Variants in SHISA9 observed in about 807,000 individuals in gnomAD.
SHISA9 encodes the protein shisa family member 9, also known as protein shisa-9.
SHISA9 carries 13 observed loss-of-function variants against 38.0 expected under a neutral mutation model. The observed-to-expected ratio is 0.34, with a 90% CI of 0.22 to 0.54. SHISA9 has a LOEUF of 0.54. Among genes scored for constraint, SHISA9 ranks in the 20% least tolerant of loss-of-function variants. The pLI, the probability that SHISA9 is intolerant of heterozygous loss-of-function variation, is 0.91. For synonymous variants in SHISA9, 275 were observed against 242.0 expected (o/e 1.14, Z -1.27); for missense variants, 538 against 575.8 (o/e 0.93, Z 0.67).
chr16:13,215,618 A>G (rs796169589), intron 4 of SHISA9, among the ~76,000 whole-genome samples: 9 of 152,206 alleles, frequency 5.9e-5, no homozygotes, highest in African/African-American at 2.2e-4. Context: ...TTGTTGTCAG[A>G]TGCATTTAGA....
chr16:12,963,772 C>G (rs1365400596), intron 2 of SHISA9, among the ~76,000 whole-genome samples: 2 of 152,156 alleles, frequency 1.3e-5, no homozygotes, highest in African/African-American at 4.8e-5. Flanking sequence ...CACAAAGTAT[C>G]ATACAGGTGG....
chr16:13,021,157 A>G (rs903605615), intron 2 of SHISA9, among the ~76,000 whole-genome samples: 4 of 152,110 alleles, frequency 2.6e-5, no homozygotes, highest in Non-Finnish European at 5.9e-5. Flanking sequence ...ATGGCTCTCA[A>G]CCAGGGACAA....
chr16:13,495,570 A>G, the SHISA9 span, among the ~76,000 whole-genome samples: 1 of 152,038 alleles, frequency 6.6e-6, no homozygotes, highest in African/African-American at 2.4e-5. Context: ...TCTATGTATT[A>G]TTCTGTACTT....
intron 2 of SHISA9, among the ~76,000 whole-genome samples, chr16:12,950,873 G>T (rs2071745202): frequency 6.6e-6 from 1 of 151,394 alleles, no homozygotes; most frequent in Non-Finnish European, 1.5e-5. Context: ...CTCCAAAAGT[G>T]CTGGGATTAC....
chr16:13,332,202 G>C, the SHISA9 span, among the ~76,000 whole-genome samples: 1 of 152,168 alleles, frequency 6.6e-6, no homozygotes, highest in East Asian at 1.9e-4. Flanking sequence ...CAAATCTCTG[G>C]GATGACAAGT....
intron 2 of SHISA9, among the ~76,000 whole-genome samples, chr16:12,936,089 G>C (rs1013797292): frequency 2.0e-5 from 3 of 152,126 alleles, no homozygotes; most frequent in Admixed American, 6.5e-5. Context: ...GAGTCTCTGG[G>C]AGTTCTTGAG....
At chr16:13,016,648 A>G (rs946021770) in intron 2 of SHISA9, among the ~76,000 whole-genome samples, 2 of 152,210 alleles carry the variant, frequency 1.3e-5, no homozygotes, top group African/African-American at 2.4e-5. Flanking sequence ...AAATTAACCA[A>G]ACTGAAACTC....
At chr16:13,500,789 A>AT in the SHISA9 span, among the ~76,000 whole-genome samples, 1 of 152,208 alleles carries the variant, frequency 6.6e-6, no homozygotes, top group African/African-American at 2.4e-5. Context: ...TAACTAACTA[A>AT]GGGAGAAAGG....
intron 2 of SHISA9, among the ~76,000 whole-genome samples, chr16:12,992,658 C>T (rs1275769091): frequency 6.6e-6 from 1 of 152,182 alleles, no homozygotes; most frequent in Non-Finnish European, 1.5e-5. Context: ...AGTGTTCTTT[C>T]AGCCACAACA....
chr16:13,410,355 A>T, the SHISA9 span, among the ~76,000 whole-genome samples: 1 of 152,196 alleles, frequency 6.6e-6, no homozygotes, highest in African/African-American at 2.4e-5. Context: ...CTTTGCCCTA[A>T]AATCGGCGTG....
chr16:13,280,117 C>CTTT, the SHISA9 span, among the ~76,000 whole-genome samples: 687 of 102,568 alleles, frequency 6.7e-3, 6 homozygotes, highest in African/African-American at 0.012. Context: ...CTCTCTTTCT[C>CTTT]TTTTTTTTTT....
At chr16:13,179,288 G>C (rs956258994) in intron 2 of SHISA9, among the ~76,000 whole-genome samples, 20 of 152,110 alleles carry the variant, frequency 1.3e-4, no homozygotes, top group African/African-American at 4.6e-4. Context: ...CCCCAGCCCA[G>C]GTGACAGAGC....
chr16:13,462,822 C>G, the SHISA9 span, among the ~76,000 whole-genome samples: 38,440 of 151,762 alleles, frequency 0.25, 5,071 homozygotes, highest in South Asian at 0.35. Context: ...ATTAGCCAGG[C>G]GTGGTGGCGG....
At chr16:12,916,602 T>G (rs2071260966) in intron 1 of SHISA9, 86 bp from the exon 2 acceptor site, 1 of 1,445,224 alleles carries the variant, frequency 6.9e-7, no homozygotes. Flanking sequence ...CGCCTTGCCA[T>G]TTGTTCGCGA....
chr16:13,386,674 T>C, the SHISA9 span, among the ~76,000 whole-genome samples: 3 of 152,362 alleles, frequency 2.0e-5, no homozygotes, highest in African/African-American at 7.2e-5. Flanking sequence ...TTGTTTGTTT[T>C]ATACAAACGA....
chr16:13,262,977 C>A, the SHISA9 span, among the ~76,000 whole-genome samples: 6 of 152,134 alleles, frequency 3.9e-5, no homozygotes, highest in Non-Finnish European at 7.4e-5. Context: ...ATGAGGGTCT[C>A]TTTTTTATTC....
In SHISA9 at chr16:13,031,580, T is replaced by C. The variant is rs59446986; in HGVS notation, c.691+114765T>C. Among the ~76,000 whole-genome samples, 288 of 152,250 alleles carry C rather than the reference T, an allele frequency of 1.9e-3. 11 individuals are homozygous for C. In the East Asian group the frequency reaches 0.051, roughly 27 times the overall value. On this transcript the variant is annotated intron_variant, in intron 2 of 4. Transcript: ENST00000558583. Reference sequence around the variant, plus strand: ...ATCACAGGAAACACTGGAGTTCAGATGGAGCATGCCAGTATGAAAAGCATG... The same window carrying C: ...ATCACAGGAAACACTGGAGTTCAGACGGAGCATGCCAGTATGAAAAGCATG...
At chr16:12,905,313 G>T (rs546305592) in intron 1 of SHISA9, among the ~76,000 whole-genome samples, 1 of 152,202 alleles carries the variant, frequency 6.6e-6, no homozygotes, top group South Asian at 2.1e-4. Context: ...ATTGTGTCTG[G>T]GACAGATGTT....
At chr16:13,029,705 C>G (rs895265793) in intron 2 of SHISA9, among the ~76,000 whole-genome samples, 7 of 152,218 alleles carry the variant, frequency 4.6e-5, no homozygotes, top group African/African-American at 1.7e-4. Flanking sequence ...CACAGAAAGG[C>G]AGACATAATG....
Sources: allele counts gnomAD v4.1 joint callset (sites outside exome capture counted in the v4.1 genomes callset), GRCh38; gene constraint gnomAD v4.1.1; transcripts MANE v1.5; gene names NCBI Gene and HGNC (gene_info 2026-07-23, HGNC 2026-07-21).